Variants in GABRA3 observed in about 807,000 individuals in gnomAD.
The protein encoded by GABRA3 is gamma-aminobutyric acid receptor subunit alpha-3.
GABRA3 carries 10 observed loss-of-function variants against 30.1 expected under a neutral mutation model. The observed-to-expected ratio is 0.33, with a 90% CI of 0.20 to 0.56. GABRA3 has a LOEUF of 0.56. Ranked by LOEUF, GABRA3 falls within the 20% of genes least tolerant of loss-of-function variation. The pLI, the probability that GABRA3 is intolerant of heterozygous loss-of-function variation, is 0.89. For missense variants in GABRA3, 233 were observed against 392.0 expected, an observed-to-expected ratio of 0.59 and a Z score of 3.42; for synonymous variants, 151 against 146.8, an observed-to-expected ratio of 1.03 and a Z score of -0.21.
intron 1 of GABRA3, among the ~76,000 whole-genome samples, chrX:152,374,337 C>CTTTTT (rs55927249): frequency 3.1e-4 from 13 of 41,647 alleles, no homozygotes; most frequent in Admixed American, 6.5e-4. Flanking sequence ...CTTTTCTTTT[C>CTTTTT]TTTTTTTTTT....
chrX:152,351,589 T>G (rs1387628924), intron 2 of GABRA3, among the ~76,000 whole-genome samples: 2 of 112,177 alleles, frequency 1.8e-5, no homozygotes, highest in Non-Finnish European at 3.8e-5. Flanking sequence ...CCACTAAAAC[T>G]TTCTCCATAT....
At chrX:152,336,364 C>T (rs181900350) in intron 3 of GABRA3, among the ~76,000 whole-genome samples, 196 of 111,728 alleles carry the variant, frequency 1.8e-3, no homozygotes, top group Non-Finnish European at 2.4e-3. Flanking sequence ...TAGCTTGGAT[C>T]GTGTACAATT....
At chrX:152,273,810 A>AG (rs1399731513) in intron 4 of GABRA3, among the ~76,000 whole-genome samples, 1 of 111,755 alleles carries the variant, frequency 8.9e-6, no homozygotes, top group Non-Finnish European at 1.9e-5. Context: ...GACAGATTAC[A>AG]GGACAAAAAA....
intron 4 of GABRA3, among the ~76,000 whole-genome samples, chrX:152,277,264 G>GTT (rs56972693): frequency 0.023 from 2,463 of 106,382 alleles, 65 homozygotes; most frequent in African/African-American, 0.079. Context: ...TTAATTAACA[G>GTT]TTTTTTTTTT....
intron 1 of GABRA3, among the ~76,000 whole-genome samples, chrX:152,418,106 G>A (rs1034352774): frequency 3.6e-5 from 4 of 111,257 alleles, no homozygotes; most frequent in African/African-American, 1.3e-4. Flanking sequence ...ATTTCAGGAT[G>A]TAATAACTGT....
At chrX:152,384,500 A>G (rs184659012) in intron 1 of GABRA3, among the ~76,000 whole-genome samples, 7 of 112,264 alleles carry the variant, frequency 6.2e-5, no homozygotes, top group Non-Finnish European at 9.4e-5. Flanking sequence ...AAGTAGCACC[A>G]AAGACTTTCT....
intron 1 of GABRA3, among the ~76,000 whole-genome samples, chrX:152,424,938 T>C (rs1930478824): frequency 1.1e-5 from 1 of 92,059 alleles, no homozygotes; most frequent in East Asian, 3.4e-4. Flanking sequence ...CTTTTTTTTT[T>C]TTTTTTTTTT....
chrX:152,280,097 A>C (rs183951829), intron 4 of GABRA3, among the ~76,000 whole-genome samples: 166 of 111,216 alleles, frequency 1.5e-3, no homozygotes, highest in African/African-American at 5.3e-3. Flanking sequence ...ATTGAATACC[A>C]TTTATTTCCT....
intron 1 of GABRA3, among the ~76,000 whole-genome samples, chrX:152,416,657 G>A (rs1191312611): frequency 9.0e-6 from 1 of 111,050 alleles, no homozygotes; most frequent in Non-Finnish European, 1.9e-5. Flanking sequence ...AAACAGCATG[G>A]TACTGGTACC....
chrX:152,400,871 G>A (rs1001068342), intron 1 of GABRA3, among the ~76,000 whole-genome samples: 5 of 111,252 alleles, frequency 4.5e-5, no homozygotes, highest in African/African-American at 1.6e-4. Context: ...ATGATCCAGG[G>A]AATGTAGGTG....
intron 3 of GABRA3, among the ~76,000 whole-genome samples, chrX:152,339,016 C>T (rs1940274459): frequency 9.0e-6 from 1 of 110,617 alleles, no homozygotes; most frequent in Non-Finnish European, 1.9e-5. Flanking sequence ...TTTGGGGTCT[C>T]TTGTCATCCT....
At chrX:152,224,060 C>T (rs1055154879) in intron 6 of GABRA3, among the ~76,000 whole-genome samples, 8 of 111,356 alleles carry the variant, frequency 7.2e-5, no homozygotes, top group Non-Finnish European at 9.4e-5. Flanking sequence ...TGGGTCTTTT[C>T]AAATGCACTT....
chrX:152,182,414 CTATA>C (rs1439991148), intron 9 of GABRA3, among the ~76,000 whole-genome samples: 2 of 88,913 alleles, frequency 2.2e-5, no homozygotes, highest in African/African-American at 8.5e-5. Flanking sequence ...TATAGACACA[CTATA>C]TATGCACTAT....
rs1937639334 is a variant in GABRA3 at position 152,212,321 on chromosome X, A to AAAAAAAAG, written c.635-4178_635-4177insCTTTTTTT. ...AAAAAAAAAAAAAAAAAAAAAAAAA[A>AAAAAAAAG]AAAAAAAAAATTCCAAATTGCCTAC... On this transcript the variant is annotated intron_variant, in intron 6 of 9. Transcript: ENST00000370314. Among the ~76,000 whole-genome samples, 2 of 75,863 alleles carry AAAAAAAAG rather than the reference A, an allele frequency of 2.6e-5. 1 individual carries two copies. Among genetic ancestry groups the AAAAAAAAG allele is most frequent in the African/African-American group, 1.2e-4 (2 of 17,338 alleles). 65.9% of individuals were successfully genotyped at this position (75,863 alleles called of 115,157 possible).
At chrX:152,207,808 A>G (rs1031683534) in intron 7 of GABRA3, among the ~76,000 whole-genome samples, 193 bp downstream of exon 7, 1 of 111,918 alleles carries the variant, frequency 8.9e-6, no homozygotes, top group Non-Finnish European at 1.9e-5. Context: ...ACAAGTGTTC[A>G]TTTTCGTTTT....
intron 1 of GABRA3, among the ~76,000 whole-genome samples, chrX:152,379,991 C>A (rs772572698): frequency 8.1e-5 from 9 of 110,702 alleles, no homozygotes; most frequent in African/African-American, 9.9e-5. Context: ...GCGCCCACCA[C>A]CATGCCTGGC....
chrX:152,422,059 A>G (rs1424539420), intron 1 of GABRA3, among the ~76,000 whole-genome samples: 3 of 111,410 alleles, frequency 2.7e-5, no homozygotes, highest in African/African-American at 3.3e-5. Flanking sequence ...TACAGACAAC[A>G]AAATGTGGAC....
Position 152,255,707 on chromosome X carries a change from T to C in GABRA3, c.551+71A>G, listed in dbSNP as rs1938625965. On this transcript the variant is annotated intron_variant, in intron 5 of 9. Transcript: ENST00000370314. Reference sequence around the variant, plus strand: ...ACTTGAGGGAATTTTCAATGGATACTCTAAAACATTCTGCTTTCAAGCCCA... The same window carrying C: ...ACTTGAGGGAATTTTCAATGGATACCCTAAAACATTCTGCTTTCAAGCCCA... 6 of 933,712 alleles carry C rather than the reference T, an allele frequency of 6.4e-6. No individual in the cohort carries two copies. The Admixed American group carries it at 6.7e-5, about 10-fold the overall frequency. 76.9% of individuals were successfully genotyped at this position (933,712 alleles called of 1,213,427 possible).
chrX:152,213,715 T>C (rs1367821952), intron 6 of GABRA3, among the ~76,000 whole-genome samples: 1 of 111,640 alleles, frequency 9.0e-6, no homozygotes, highest in African/African-American at 3.3e-5. Flanking sequence ...GTAACCAGAA[T>C]ACAGGATATA....
Sources: gnomAD v4.1 joint callset for allele counts (sites outside exome capture counted in the v4.1 genomes callset) on GRCh38, gnomAD v4.1.1 for gene constraint, MANE v1.5 for transcripts, NCBI Gene and HGNC (gene_info 2026-07-23, HGNC 2026-07-21) for gene names.